The following FDFT1 variants were observed in gnomAD, a reference collection of about 807,000 sequenced individuals.
FDFT1 encodes the protein farnesyl-diphosphate farnesyltransferase 1.
A neutral mutation model predicts 46.8 loss-of-function variants in FDFT1; 68 were observed. The ratio of observed to expected loss-of-function variants is 1.45; its 90% CI spans 1.19 to 1.78. The LOEUF is 1.78. Ranked by LOEUF, FDFT1 falls within the 40% of genes most tolerant of loss-of-function variation. FDFT1 has a pLI of 0.00. For synonymous variants in FDFT1, 351 were observed against 185.1 expected (o/e 1.90, Z -7.28); for missense variants, 928 against 524.4 (o/e 1.77, Z -7.52).
Position 11,831,492 on chromosome 8 carries a change from TTTCCCTC to T in FDFT1, c.880-24_880-18del. Reference sequence around the variant, plus strand: ...TAGCTAACGACATCATTTCTTCTTTTTTCCCTCTCTTCTTGTTGTCTCTAGGTGATGG... The same window carrying T: ...TAGCTAACGACATCATTTCTTCTTTTTCTTCTTGTTGTCTCTAGGTGATGG... On this transcript the variant is annotated intron_variant, in intron 6 of 7. Transcript: ENST00000220584. 1 of 1,601,756 alleles carries T rather than the reference TTTCCCTC, an allele frequency of 6.2e-7. No homozygotes were observed. The highest frequency in any genetic ancestry group is 1.1e-5 in the South Asian group (1 of 89,632).
intron 1 of FDFT1, chr8:11,808,133 A>G (rs1241546093): frequency 6.6e-6 from 3 of 451,764 alleles, no homozygotes; most frequent in Non-Finnish European, 8.9e-6. Context: ...AAATCAATTT[A>G]GCAGGATTCT....
At chr8:11,796,609 T>G (rs1805589550) in intron 1 of FDFT1, among the ~76,000 whole-genome samples, 1 of 152,150 alleles carries the variant, frequency 6.6e-6, no homozygotes, top group South Asian at 2.1e-4. Context: ...AGTGCTCTGA[T>G]TGGAGGCTTC....
At chr8:11,811,378 C>T (rs756010815) in intron 3 of FDFT1, among the ~76,000 whole-genome samples, 1 of 152,174 alleles carries the variant, frequency 6.6e-6, no homozygotes, top group Non-Finnish European at 1.5e-5. Context: ...AGCCAAATTA[C>T]ATTTGACTTG....
intron 4 of FDFT1, among the ~76,000 whole-genome samples, chr8:11,822,756 C>T (rs1048362504): frequency 1.3e-5 from 2 of 152,148 alleles, no homozygotes; most frequent in African/African-American, 4.8e-5. Flanking sequence ...TTGAAGGTTG[C>T]AGTGAGCCAT....
In FDFT1 at chr8:11,813,275, T is replaced by C. The variant is rs534490034; in HGVS notation, c.381+3425T>C. ...TGGAAAGCTAGAAGGCTTAGAAGTC[T>C]ACCTGTAAACATAGCTTAAGTAATA... On this transcript the variant is annotated intron_variant, in intron 3 of 7. Coordinates refer to ENST00000220584, the MANE Select transcript of FDFT1 (RefSeq NM_004462.5). 1.5e-3 allele frequency among the ~76,000 whole-genome samples: 233 copies of C among 152,360 alleles called. 2 individuals are homozygous for C. The highest frequency in any genetic ancestry group is 5.4e-3 in the African/African-American group (225 of 41,584).
intron 7 of FDFT1, among the ~76,000 whole-genome samples, chr8:11,832,254 G>A (rs34120986): frequency 0.36 from 42,815 of 117,940 alleles, 6,769 homozygotes; most frequent in South Asian, 0.45. Flanking sequence ...ATTTGACTAG[G>A]TTCAAAAAGT....
At chr8:11,801,141 T>C (rs1286890958), upstream of FDFT1, among the ~76,000 whole-genome samples, 2 of 151,992 alleles carry the variant, frequency 1.3e-5, no homozygotes. Context: ...TGGGGGATAG[T>C]GCAGGAATAG....
At chr8:11,828,341 G>C (rs1169586408) in intron 5 of FDFT1, among the ~76,000 whole-genome samples, 2 of 152,186 alleles carry the variant, frequency 1.3e-5, no homozygotes, top group African/African-American at 2.4e-5. Context: ...CCTCAGCTCA[G>C]ACATGGCCTT....
In FDFT1 at chr8:11,808,668, C is replaced by T. The variant is rs973196794; in HGVS notation, c.100-126C>T. On this transcript the variant is annotated intron_variant, in intron 1 of 7. Coordinates refer to ENST00000220584, the MANE Select transcript of FDFT1 (RefSeq NM_004462.5). ...TGCCGCCTGGCCCTGCAAGGACTGG[C>T]CTCGGGGAGAGGGCGGCAGGCTGTG... 5 of 1,476,224 alleles carry T rather than the reference C, an allele frequency of 3.4e-6. 1 individual carries two copies. In the South Asian group the frequency reaches 5.3e-5, roughly 16 times the overall value. The allele number at this position is 1,476,224 out of a possible 1,614,324, so 91.4% of individuals were successfully genotyped here.
upstream of FDFT1, among the ~76,000 whole-genome samples, chr8:11,800,922 T>A (rs1369272066): frequency 6.6e-6 from 1 of 152,086 alleles, no homozygotes; most frequent in Non-Finnish European, 1.5e-5. Flanking sequence ...TGTCCAGTGG[T>A]AGGGACTTAG....
intron 3 of FDFT1, among the ~76,000 whole-genome samples, chr8:11,817,460 C>T (rs1467990748): frequency 6.6e-6 from 1 of 152,112 alleles, no homozygotes; most frequent in Non-Finnish European, 1.5e-5. Flanking sequence ...CTCTTTGTAC[C>T]TCTGGTAGAA....
chr8:11,838,602 A>G lies in FDFT1; in HGVS notation c.1247A>G (p.Glu416Gly). 1.2e-6 allele frequency: 2 copies of G among 1,613,072 alleles called. No homozygotes were observed. The highest frequency in any genetic ancestry group is 1.3e-5 in the African/African-American group (1 of 75,010). Residue 416 changes from glutamate (E) to glycine (G), a missense_variant, in exon 8 of 8, where the codon GAA (glutamate) becomes GGA (glycine). Transcript: ENST00000220584. ...ACAGAAGACTATGTTCAGACTGGAG[A>G]ACACTGATCCCAAATTTGTCCATAG... ...QVTEDYVQTG[E>G]H
intron 1 of FDFT1, 21 bp downstream of exon 1, chr8:11,802,952 T>G: frequency 1.3e-6 from 2 of 1,581,208 alleles, no homozygotes; most frequent in Middle Eastern, 1.8e-4. Flanking sequence ...CCTCCCTGCT[T>G]GCCCGGGGCG....
At chr8:11,816,149 GT>G (rs769997989) in intron 3 of FDFT1, among the ~76,000 whole-genome samples, 1 of 152,122 alleles carries the variant, frequency 6.6e-6, no homozygotes, top group Non-Finnish European at 1.5e-5. Context: ...GCTTGTTTTT[GT>G]CAGGTTTGTC....
At chr8:11,808,751 C>T (rs1563301275) in intron 1 of FDFT1, 43 bp from the exon 2 acceptor site, 2 of 1,601,910 alleles carry the variant, frequency 1.2e-6, no homozygotes, top group African/African-American at 1.3e-5. Context: ...CCCACTCCTG[C>T]TCCTCGACGT....
rs181549598 is a variant in FDFT1 at position 11,825,882 on chromosome 8, G to C, written c.511-142G>C. ...CTTCTTGAATGTTTTTTAAATCCTGGTATGTATATTTGTATTTTAAAATCA... is the reference window on the plus strand; with the variant it reads ...CTTCTTGAATGTTTTTTAAATCCTGCTATGTATATTTGTATTTTAAAATCA... On this transcript the variant is annotated intron_variant, in intron 4 of 7. Coordinates refer to ENST00000220584, the MANE Select transcript of FDFT1 (RefSeq NM_004462.5). 2.7e-4 allele frequency: 126 copies of C among 461,192 alleles called. No individual in the cohort carries two copies. In the East Asian group the frequency reaches 3.8e-3, roughly 14 times the overall value. 28.6% of individuals were successfully genotyped at this position (461,192 alleles called of 1,614,324 possible). A position where few individuals can be genotyped will look rare whatever the true frequency, so the allele number is the denominator to read the frequency against.
At chr8:11,814,089 C>T (rs1215855336) in intron 3 of FDFT1, among the ~76,000 whole-genome samples, 1 of 152,176 alleles carries the variant, frequency 6.6e-6, no homozygotes, top group Non-Finnish European at 1.5e-5. Context: ...CCCTCATTGA[C>T]CTTTCCTCTC....
chr8:11,802,385 T>G (rs748833950), upstream of FDFT1: 34 of 455,628 alleles, frequency 7.5e-5, no homozygotes, highest in Middle Eastern at 9.7e-4. Context: ...CGGACCACCG[T>G]TGGGCTCCTG....
In FDFT1 at chr8:11,808,477, T is replaced by C. The variant is rs889585781; in HGVS notation, c.100-317T>C. The C allele has an allele frequency of 3.8e-6, 5 of 1,305,012 alleles. No homozygotes were observed. The South Asian group carries it at 7.4e-5, about 19-fold the overall frequency. The allele number at this position is 1,305,012 out of a possible 1,614,324, so 80.8% of individuals were successfully genotyped here. A position where few individuals can be genotyped will look rare whatever the true frequency, so the allele number is the denominator to read the frequency against. On this transcript the variant is annotated intron_variant, in intron 1 of 7. Coordinates refer to ENST00000220584, the MANE Select transcript of FDFT1 (RefSeq NM_004462.5). ...TCGTCGGGCGCTTCCCAGATCTGCT[T>C]GAGTCTATGGAGGAAAAACTCCGCG... is the stretch of plus-strand genomic sequence containing the variant.
Sources: allele counts gnomAD v4.1 joint callset (sites outside exome capture counted in the v4.1 genomes callset), GRCh38; gene constraint gnomAD v4.1.1; transcripts MANE v1.5; gene names NCBI Gene and HGNC (gene_info 2026-07-23, HGNC 2026-07-21).